FSTL5: variants seen among roughly 807,000 people sequenced by gnomAD.
FSTL5 encodes the protein follistatin-related protein 5.
FSTL5 carries 62 observed loss-of-function variants against 89.1 expected under a neutral mutation model. The ratio of observed to expected loss-of-function variants is 0.70; its 90% CI spans 0.57 to 0.86. The LOEUF is 0.86. Among genes scored for constraint, FSTL5 ranks in the 40% least tolerant of loss-of-function variants. The pLI, the probability that FSTL5 is intolerant of heterozygous loss-of-function variation, is 0.00. For synonymous variants in FSTL5, 383 were observed against 346.2 expected, an observed-to-expected ratio of 1.11 and a Z score of -1.18; for missense variants, 1,057 against 1,001.6, an observed-to-expected ratio of 1.06 and a Z score of -0.75.
intron 5 of FSTL5, among the ~76,000 whole-genome samples, chr4:161,760,872 C>T (rs1467625678): frequency 6.6e-6 from 1 of 152,034 alleles, no homozygotes; most frequent in Non-Finnish European, 1.5e-5. Context: ...TTGGAACACT[C>T]CTGTGTTGAA....
At chr4:161,692,591 C>A (rs1737979738) in intron 6 of FSTL5, among the ~76,000 whole-genome samples, 1 of 152,058 alleles carries the variant, frequency 6.6e-6, no homozygotes. Flanking sequence ...GATATTAAGA[C>A]ACACAGAAAA....
At chr4:162,119,568 G>A (rs1414816779) in intron 1 of FSTL5, among the ~76,000 whole-genome samples, 1 of 152,120 alleles carries the variant, frequency 6.6e-6, no homozygotes, top group East Asian at 1.9e-4. Flanking sequence ...CATTTATGGG[G>A]TACATTTTTA....
At chr4:161,622,081 G>T (rs1735152783) in intron 7 of FSTL5, among the ~76,000 whole-genome samples, 1 of 151,970 alleles carries the variant, frequency 6.6e-6, no homozygotes, top group East Asian at 1.9e-4. Context: ...AACATTAGAA[G>T]TTGATAATGA....
intron 4 of FSTL5, among the ~76,000 whole-genome samples, chr4:161,823,060 G>T (rs1730543964): frequency 6.6e-6 from 1 of 152,152 alleles, no homozygotes; most frequent in African/African-American, 2.4e-5. Flanking sequence ...TGAGTCTGGG[G>T]TTTTTATGGT....
chr4:161,744,742 CT>C (rs1052503898), intron 6 of FSTL5, among the ~76,000 whole-genome samples: 5 of 150,414 alleles, frequency 3.3e-5, no homozygotes, highest in East Asian at 3.9e-4. Flanking sequence ...GTTCAGAAAC[CT>C]TTTTTTTTCG....
intron 3 of FSTL5, among the ~76,000 whole-genome samples, chr4:161,934,340 C>G (rs1235656323): frequency 6.6e-6 from 1 of 151,858 alleles, no homozygotes. Context: ...AATTTGACAT[C>G]GCTGTATATA....
At chr4:161,777,995 G>A (rs183478863) in intron 4 of FSTL5, among the ~76,000 whole-genome samples, 1 of 152,132 alleles carries the variant, frequency 6.6e-6, no homozygotes, top group African/African-American at 2.4e-5. Flanking sequence ...TCGGGAGGCT[G>A]AGGCAGGAGA....
intron 3 of FSTL5, among the ~76,000 whole-genome samples, chr4:162,020,253 C>G (rs763372961): frequency 6.6e-6 from 1 of 151,738 alleles, no homozygotes; most frequent in African/African-American, 2.4e-5. Flanking sequence ...ATGCTATGGA[C>G]AAAATTTAAA....
At chr4:161,462,619 TA>T (rs1315083511) in intron 13 of FSTL5, among the ~76,000 whole-genome samples, 1 of 152,208 alleles carries the variant, frequency 6.6e-6, no homozygotes, top group Admixed American at 6.5e-5. Context: ...TAATAATACC[TA>T]CTTCAAAGGG....
intron 6 of FSTL5, among the ~76,000 whole-genome samples, chr4:161,709,958 T>C (rs1209877098): frequency 6.6e-6 from 1 of 152,224 alleles, no homozygotes; most frequent in Admixed American, 6.5e-5. Context: ...TTTGAAAAAC[T>C]TACATTTTTC....
chr4:161,643,287 T>G (rs914615689), intron 7 of FSTL5, among the ~76,000 whole-genome samples: 1 of 152,106 alleles, frequency 6.6e-6, no homozygotes, highest in African/African-American at 2.4e-5. Context: ...CCTTTCTCTC[T>G]CAAGTCTGTG....
chr4:161,835,146 CTG>C (rs1372974653), intron 4 of FSTL5, among the ~76,000 whole-genome samples: 3 of 149,584 alleles, frequency 2.0e-5, no homozygotes, highest in Non-Finnish European at 3.0e-5. Context: ...AGAAATAACG[CTG>C]CATATCTACA....
chr4:162,117,549 A>G (rs1731689824), intron 1 of FSTL5, among the ~76,000 whole-genome samples: 1 of 152,228 alleles, frequency 6.6e-6, no homozygotes, highest in South Asian at 2.1e-4. Flanking sequence ...AGAGGAGAAG[A>G]GGTCCAAAGA....
chr4:161,734,716 C>T (rs1739728995), intron 6 of FSTL5, among the ~76,000 whole-genome samples: 2 of 152,180 alleles, frequency 1.3e-5, no homozygotes, highest in Non-Finnish European at 2.9e-5. Context: ...TGTGTTTCCC[C>T]TGCTGTCACA....
At chr4:161,821,639 G>A (rs145368757) in intron 4 of FSTL5, among the ~76,000 whole-genome samples, 4 of 152,068 alleles carry the variant, frequency 2.6e-5, no homozygotes, top group African/African-American at 9.7e-5. Flanking sequence ...TCATAGCTTA[G>A]CTCCCACTTA....
intron 15 of FSTL5, among the ~76,000 whole-genome samples, chr4:161,409,874 A>G (rs545625255): frequency 2.0e-5 from 3 of 152,302 alleles, no homozygotes; most frequent in African/African-American, 7.2e-5. Flanking sequence ...TCAAAATCAC[A>G]TATCAATACT....
At chr4:161,455,954 A>G (rs1733338261) in intron 14 of FSTL5, among the ~76,000 whole-genome samples, 3 of 152,178 alleles carry the variant, frequency 2.0e-5, no homozygotes, top group Non-Finnish European at 2.9e-5. Flanking sequence ...CCTCAAGACT[A>G]AAACTTCTCC....
At chr4:162,122,561 C>T (rs1731911552) in intron 1 of FSTL5, among the ~76,000 whole-genome samples, 2 of 152,034 alleles carry the variant, frequency 1.3e-5, no homozygotes, top group Admixed American at 1.3e-4. Context: ...ATCAGACTGA[C>T]AATGTTGAAT....
chr4:162,142,187 C>T (rs1732774076), intron 1 of FSTL5, among the ~76,000 whole-genome samples: 1 of 151,928 alleles, frequency 6.6e-6, no homozygotes, highest in African/African-American at 2.4e-5. Flanking sequence ...GGGCAAAGAT[C>T]TTGCAGAGAA....
Sources: allele counts gnomAD v4.1 joint callset (sites outside exome capture counted in the v4.1 genomes callset), GRCh38; gene constraint gnomAD v4.1.1; transcripts MANE v1.5; gene names NCBI Gene and HGNC (gene_info 2026-07-23, HGNC 2026-07-21).